B3GALT1: variants seen among roughly 807,000 people sequenced by gnomAD.
B3GALT1 encodes UDP-Gal:betaGlcNAc beta 1,3-galactosyltransferase, polypeptide 1.
A neutral mutation model predicts 23.2 loss-of-function variants in B3GALT1; 10 were observed. The observed-to-expected ratio is 0.43, with a 90% confidence interval of 0.27 to 0.73. B3GALT1 has a LOEUF of 0.73. B3GALT1 is among the 30% of genes least tolerant of loss of function. B3GALT1 has a pLI of 0.21. For synonymous variants in B3GALT1, 156 were observed against 141.5 expected (o/e 1.10, Z -0.73); for missense variants, 299 against 405.4 (o/e 0.74, Z 2.25).
chr2:167,872,935 T>C lies in B3GALT1; in HGVS notation c.*2915T>C, dbSNP rs1690380967. 1.3e-5 allele frequency: 2 copies of C among 152,192 alleles called. No individual in the cohort carries two copies. The highest frequency in any genetic ancestry group is 4.1e-4 in the South Asian group (2 of 4,830). 9.4% of individuals were successfully genotyped at this position (152,192 alleles called of 1,614,324 possible). ...GCTTTTGGTGAAGCAAGGCCATTTG[T>C]CCAGTGTTTCATAGCCTTAAGCATG... On this transcript the variant is annotated 3_prime_UTR_variant, in exon 5 of 5. Coordinates refer to ENST00000392690, the MANE Select transcript of B3GALT1 (RefSeq NM_020981.4).
intron 1 of B3GALT1, among the ~76,000 whole-genome samples, chr2:167,424,144 T>C (rs1040739598): frequency 2.0e-5 from 3 of 152,210 alleles, no homozygotes; most frequent in Non-Finnish European, 4.4e-5. Flanking sequence ...CTAAATTGTT[T>C]GCTTTGATGT....
chr2:167,558,050 G>A (rs577254060), intron 2 of B3GALT1: 1 of 152,302 alleles, frequency 6.6e-6, no homozygotes, highest in East Asian at 1.9e-4. Context: ...CATTCACTGA[G>A]CCAGGGATAA....
intron 4 of B3GALT1, among the ~76,000 whole-genome samples, chr2:167,830,118 G>A (rs529624529): frequency 5.3e-5 from 8 of 152,252 alleles, no homozygotes; most frequent in African/African-American, 1.4e-4. Context: ...TCTCTCTGTC[G>A]TTCTCGCCAA....
chr2:167,527,677 A>G (rs1574120150), intron 2 of B3GALT1, among the ~76,000 whole-genome samples: 1 of 152,180 alleles, frequency 6.6e-6, no homozygotes, highest in African/African-American at 2.4e-5. Context: ...TAACATAATA[A>G]TCGTGTGTAC....
At chr2:167,651,524 A>G (rs1284010184) in intron 3 of B3GALT1, among the ~76,000 whole-genome samples, 2 of 152,168 alleles carry the variant, frequency 1.3e-5, no homozygotes, top group East Asian at 3.9e-4. Flanking sequence ...AAAAAGAGGT[A>G]AGTGCTGAGA....
At chr2:167,792,860 A>ATTTT (rs371433634) in intron 3 of B3GALT1, among the ~76,000 whole-genome samples, 1,741 of 144,384 alleles carry the variant, frequency 0.012, 25 homozygotes, top group African/African-American at 0.038. Flanking sequence ...GGGGAACAGA[A>ATTTT]TTTTTTTTTT....
intron 3 of B3GALT1, among the ~76,000 whole-genome samples, chr2:167,800,347 A>G (rs779262766): frequency 1.2e-4 from 19 of 152,146 alleles, no homozygotes. Context: ...CCACAATCAA[A>G]TAATCTCTGG....
intron 2 of B3GALT1, among the ~76,000 whole-genome samples, chr2:167,505,159 T>G (rs1368401293): frequency 6.6e-6 from 1 of 152,152 alleles, no homozygotes; most frequent in African/African-American, 2.4e-5. Context: ...GATTACACAA[T>G]GGGCTGGTTA....
intron 1 of B3GALT1, among the ~76,000 whole-genome samples, chr2:167,311,399 A>T (rs1017967422): frequency 1.3e-5 from 2 of 152,160 alleles, no homozygotes; most frequent in Non-Finnish European, 2.9e-5. Context: ...TGGTAAAACA[A>T]AGAGGGAAAT....
intron 3 of B3GALT1, among the ~76,000 whole-genome samples, chr2:167,683,256 G>T (rs1248365356): frequency 1.3e-5 from 2 of 152,108 alleles, no homozygotes; most frequent in East Asian, 3.9e-4. Context: ...TATATTACAG[G>T]GTGGCAGTAG....
intron 2 of B3GALT1, among the ~76,000 whole-genome samples, chr2:167,552,660 A>T (rs542613396): frequency 2.7e-4 from 41 of 152,304 alleles, no homozygotes; most frequent in Non-Finnish European, 5.1e-4. Flanking sequence ...TAATCAAAAA[A>T]ATTCTTCCAA....
At chr2:167,390,792 C>CTGAATGAATGAA (rs142085694) in intron 1 of B3GALT1, among the ~76,000 whole-genome samples, 5 of 151,136 alleles carry the variant, frequency 3.3e-5, no homozygotes, top group African/African-American at 1.2e-4. Context: ...TAGTAAATAT[C>CTGAATGAATGAA]TGAATGAATG....
At chr2:167,389,800 G>A (rs941927866) in intron 1 of B3GALT1, among the ~76,000 whole-genome samples, 2 of 151,368 alleles carry the variant, frequency 1.3e-5, no homozygotes, top group African/African-American at 4.9e-5. Flanking sequence ...TAGTCCCAGT[G>A]CTTTGGGAGG....
intron 3 of B3GALT1, among the ~76,000 whole-genome samples, chr2:167,728,524 TA>T (rs1344992954): frequency 2.0e-5 from 3 of 152,230 alleles, no homozygotes; most frequent in African/African-American, 7.2e-5. Context: ...GAGACACAGA[TA>T]AACAGAAACT....
intron 2 of B3GALT1, among the ~76,000 whole-genome samples, chr2:167,637,413 T>C (rs1685575655): frequency 6.6e-6 from 1 of 152,004 alleles, no homozygotes; most frequent in African/African-American, 2.4e-5. Context: ...GCACATATGA[T>C]ATTTTGTTAC....
At chr2:167,459,191 C>T (rs1003070237) in intron 1 of B3GALT1, among the ~76,000 whole-genome samples, 2 of 152,090 alleles carry the variant, frequency 1.3e-5, no homozygotes, top group African/African-American at 4.8e-5. Context: ...TTATTCCTCA[C>T]ACCCTTATAT....
intron 1 of B3GALT1, among the ~76,000 whole-genome samples, chr2:167,483,265 C>A (rs1413737519): frequency 3.9e-5 from 6 of 152,082 alleles, no homozygotes; most frequent in Non-Finnish European, 7.4e-5. Context: ...TGCACTCCAG[C>A]CTGGGCAACG....
intron 2 of B3GALT1, among the ~76,000 whole-genome samples, chr2:167,571,992 G>A (rs1338673971): frequency 6.6e-6 from 1 of 151,794 alleles, no homozygotes; most frequent in Non-Finnish European, 1.5e-5. Flanking sequence ...AGTTGTATCA[G>A]AACCAGAACC....
At chr2:167,760,676 C>T (rs1687886309) in intron 3 of B3GALT1, among the ~76,000 whole-genome samples, 1 of 152,184 alleles carries the variant, frequency 6.6e-6, no homozygotes, top group Non-Finnish European at 1.5e-5. Flanking sequence ...GGTATCAGCT[C>T]AATCTTACCT....
Sources: allele counts gnomAD v4.1 joint callset (sites outside exome capture counted in the v4.1 genomes callset), GRCh38; gene constraint gnomAD v4.1.1; transcripts MANE v1.5; gene names NCBI Gene and HGNC (gene_info 2026-07-23, HGNC 2026-07-21).